The following KIF13A variants were observed in gnomAD, a reference collection of about 807,000 sequenced individuals.
KIF13A encodes kinesin family member 13A.
KIF13A carries 79 observed loss-of-function variants against 212.2 expected under a neutral mutation model. That is an observed-to-expected ratio of 0.37 (90% CI 0.31 to 0.45). KIF13A has a LOEUF of 0.45. Ranked by LOEUF, KIF13A falls within the 20% of genes least tolerant of loss-of-function variation. The pLI is 1.00. For synonymous variants in KIF13A, 789 were observed against 808.6 expected (o/e 0.98, Z 0.41); for missense variants, 1,901 against 2,209.0 (o/e 0.86, Z 2.79).
At chr6:17,842,934 C>T (rs1766667293) in intron 9 of KIF13A, among the ~76,000 whole-genome samples, 1 of 151,888 alleles carries the variant, frequency 6.6e-6, no homozygotes, top group Admixed American at 6.6e-5. Flanking sequence ...GATTTCTTTC[C>T]TTAGGAGTGG....
At chr6:17,848,625 G>A (rs1767325290) in intron 9 of KIF13A, among the ~76,000 whole-genome samples, 1 of 146,718 alleles carries the variant, frequency 6.8e-6, no homozygotes, top group Admixed American at 6.9e-5. Flanking sequence ...GAGTACAGGG[G>A]AGCAATCTCG....
chr6:17,821,721 A>G, intron 16 of KIF13A: 1 of 1,508,864 alleles, frequency 6.6e-7, no homozygotes, highest in East Asian at 2.5e-5. Flanking sequence ...GAGCATGAGC[A>G]TCAATCAGCA....
intron 2 of KIF13A, among the ~76,000 whole-genome samples, chr6:17,960,092 G>C (rs1778686524): frequency 6.6e-6 from 1 of 151,750 alleles, no homozygotes; most frequent in Admixed American, 6.6e-5. Flanking sequence ...TCCCCAAATG[G>C]TGGCTAGAAA....
chr6:17,856,388 T>G lies in KIF13A; in HGVS notation c.221-266A>C, dbSNP rs765760137. Among the ~76,000 whole-genome samples the G allele has an allele frequency of 6.6e-6, 1 of 152,226 alleles. No individual in the cohort carries two copies. Among genetic ancestry groups the G allele is most frequent in the Non-Finnish European group, 1.5e-5 (1 of 68,032 alleles). ...TTCTTTCCATTGTGAGTGGGCCATA[T>G]GGAAGCAGCATTCAAATTTGGTTGT... On this transcript the variant is annotated intron_variant, in intron 4 of 38. Transcript: ENST00000259711. This position sits in a 1 kb window ranked among gnomAD's most constrained non-coding sequence, Gnocchi z 4.5.
intron 2 of KIF13A, among the ~76,000 whole-genome samples, chr6:17,940,818 T>TTTA (rs1776893070): frequency 1.4e-4 from 1 of 7,160 alleles, no homozygotes; most frequent in Admixed American, 1.0e-3. Flanking sequence ...TGTAAATTTA[T>TTTA]TTTTTTTTTT....
At chr6:17,986,514 C>G (rs1781564212) in intron 2 of KIF13A, among the ~76,000 whole-genome samples, 1 of 150,908 alleles carries the variant, frequency 6.6e-6, no homozygotes, top group Non-Finnish European at 1.5e-5. Context: ...TATCTCAACT[C>G]AGCAACAACA....
intron 9 of KIF13A, among the ~76,000 whole-genome samples, chr6:17,842,973 T>C (rs914571608): frequency 6.6e-6 from 1 of 152,146 alleles, no homozygotes; most frequent in African/African-American, 2.4e-5. Flanking sequence ...CTGTATTGCA[T>C]AGGATGGATT....
At chr6:17,780,958 A>T in intron 30 of KIF13A, 52 bp from the exon 31 acceptor site, 1 of 1,545,470 alleles carries the variant, frequency 6.5e-7, no homozygotes, top group Non-Finnish European at 8.9e-7. Flanking sequence ...AGTCAGATGT[A>T]GCAGTTTTAC....
rs1762276234 is a variant in KIF13A, at chr6:17,799,115, T to C, written c.2790+151A>G. 6.6e-6 allele frequency: 3 copies of C among 451,272 alleles called. No homozygotes were observed. The highest frequency in any genetic ancestry group is 5.9e-4 in the Middle Eastern group (1 of 1,704). 28.0% of individuals were successfully genotyped at this position (451,272 alleles called of 1,614,324 possible). ...GATTTTATTTTAAATATTTCTAAAC[T>C]ATTTGCATTTGTAATGAGGTACATT... is the stretch of plus-strand genomic sequence containing the variant. On this transcript the variant is annotated intron_variant, in intron 22 of 38. Coordinates refer to ENST00000259711, the MANE Select transcript of KIF13A (RefSeq NM_022113.6). The surrounding 1 kb of genome is among the most constrained non-coding windows in gnomAD (Gnocchi z 4.4).
Position 17,789,881 on chromosome 6 carries a change from A to T in KIF13A, c.3252T>A (p.Asp1084Glu). The T allele has an allele frequency of 6.2e-7, 1 of 1,612,650 alleles. No individual in the cohort carries two copies. The highest frequency in any genetic ancestry group is 8.5e-7 in the Non-Finnish European group (1 of 1,178,890). The part of the protein sequence containing the change: ...QRDDEDGDDM[D>E]SYQEEDLNCV... Reference sequence around the variant, plus strand: ...ACAGCAGTAGCAATACCTGATAACTATCCATATCATCACCATCCTCATCAT... The same window carrying T: ...ACAGCAGTAGCAATACCTGATAACTTTCCATATCATCACCATCCTCATCAT... Residue 1084 changes from aspartate to glutamate, a missense_variant, in exon 26 of 39, where the codon GAT becomes GAA. By Grantham distance (45) the Asp-to-Glu change is conservative (BLOSUM62 2). Transcript: ENST00000259711. The surrounding 1 kb of genome is among the most constrained non-coding windows in gnomAD (Gnocchi z 4.8).
intron 2 of KIF13A, among the ~76,000 whole-genome samples, chr6:17,939,434 T>C (rs909587032): frequency 6.6e-6 from 1 of 152,220 alleles, no homozygotes; most frequent in Admixed American, 6.5e-5. Context: ...TCACTGAACA[T>C]AGTCTTCTTT....
chr6:17,841,734 A>T lies in KIF13A; in HGVS notation c.831-4151T>A, dbSNP rs191481663. 1.2e-4 allele frequency among the ~76,000 whole-genome samples: 18 copies of T among 152,284 alleles called. 1 individual carries two copies. The East Asian group carries it at 2.5e-3, about 21-fold the overall frequency. On this transcript the variant is annotated intron_variant, in intron 9 of 38. Coordinates refer to ENST00000259711, the MANE Select transcript of KIF13A (RefSeq NM_022113.6). ...CTAAATCTATTACCATCCCCTTGGA[A>T]CAGAATGAAAATAACTGCAGGGTGA...
At chr6:17,913,210 C>T (rs982841638) in intron 2 of KIF13A, among the ~76,000 whole-genome samples, 7 of 105,680 alleles carry the variant, frequency 6.6e-5, no homozygotes, top group South Asian at 3.4e-4. Flanking sequence ...GCAGGCAGGA[C>T]GGGATTACGG....
rs572427978 is a variant in KIF13A at position 17,789,714 on chromosome 6, T to C, written c.3261+158A>G. On this transcript the variant is annotated intron_variant, in intron 26 of 38. Coordinates refer to ENST00000259711, the MANE Select transcript of KIF13A (RefSeq NM_022113.6). This position sits in a 1 kb window ranked among gnomAD's most constrained non-coding sequence, Gnocchi z 4.8. ...TGACAAGGCATCTATAGAAATAATA[T>C]TGTGTTTGAATACATATAAAGCAAA... is the stretch of plus-strand genomic sequence containing the variant. 2.0e-5 allele frequency among the ~76,000 whole-genome samples: 3 copies of C among 152,256 alleles called. No homozygotes were observed. The highest frequency in any genetic ancestry group is 4.4e-5 in the Non-Finnish European group (3 of 68,012).
At chr6:17,978,763 A>G (rs1487017546) in intron 2 of KIF13A, among the ~76,000 whole-genome samples, 1 of 152,234 alleles carries the variant, frequency 6.6e-6, no homozygotes, top group Non-Finnish European at 1.5e-5. Context: ...TCTTAAAAAT[A>G]TGAGTATATG....
chr6:17,818,577 C>T (rs1464827168), intron 16 of KIF13A, among the ~76,000 whole-genome samples: 1 of 152,164 alleles, frequency 6.6e-6, no homozygotes, highest in African/African-American at 2.4e-5. Context: ...ACAATGGCAA[C>T]AATAACTCTA....
chr6:17,779,257 A>ATATATATTT (rs1561961153), intron 32 of KIF13A, among the ~76,000 whole-genome samples, 158 bp from the exon 33 acceptor site: 2 of 37,850 alleles, frequency 5.3e-5, no homozygotes, highest in African/African-American at 2.3e-4. Flanking sequence ...ATATATATAT[A>ATATATATTT]TTTTTTTTTT....
chr6:17,796,475 T>C (rs1016386895), intron 23 of KIF13A, among the ~76,000 whole-genome samples, 194 bp downstream of exon 23: 1 of 151,680 alleles, frequency 6.6e-6, no homozygotes, highest in Non-Finnish European at 1.5e-5. Flanking sequence ...ACTCCTGACC[T>C]CATGATCCGT....
At position 17,772,161 on chromosome 6, in the gene KIF13A, A is replaced by G; in HGVS notation, c.4325-102T>C. On this transcript the variant is annotated intron_variant, in intron 36 of 38. Transcript: ENST00000259711. This position sits in a 1 kb window ranked among gnomAD's most constrained non-coding sequence, Gnocchi z 4.8. ...AGCCATGGGAATATCTGGGAGAACA[A>G]TGAAATTCATAGGCTAATATTTGGC... The G allele has an allele frequency of 2.7e-6, 3 of 1,100,746 alleles. No individual in the cohort carries two copies. Among genetic ancestry groups the G allele is most frequent in the Non-Finnish European group, 2.7e-6 (2 of 754,424 alleles). 68.2% of individuals were successfully genotyped at this position (1,100,746 alleles called of 1,614,324 possible).
Sources: gnomAD v4.1 joint callset for allele counts (sites outside exome capture counted in the v4.1 genomes callset) on GRCh38, gnomAD v4.1.1 for gene constraint, Gnocchi (gnomAD v3.1) non-coding constraint, MANE v1.5 for transcripts, NCBI Gene and HGNC (gene_info 2026-07-23, HGNC 2026-07-21) for gene names.